Variants in MED12L observed in about 807,000 individuals in gnomAD.
MED12L encodes mediator complex subunit 12L, also known as mediator of RNA polymerase II transcription subunit 12-like protein.
A neutral mutation model predicts 281.3 loss-of-function variants in MED12L; 60 were observed. The observed-to-expected ratio is 0.21, with a 90% CI of 0.17 to 0.26. MED12L has a LOEUF of 0.26. Among genes scored for constraint, MED12L ranks in the 10% least tolerant of loss-of-function variants. The pLI, the probability that MED12L is intolerant of heterozygous loss-of-function variation, is 1.00. For missense variants in MED12L, 2,146 were observed against 2,680.9 expected, an observed-to-expected ratio of 0.80 and a Z score of 4.41; for synonymous variants, 974 against 987.2, an observed-to-expected ratio of 0.99 and a Z score of 0.25.
chr3:151,237,978 C>T (rs530677373), intron 16 of MED12L, among the ~76,000 whole-genome samples: 1 of 152,102 alleles, frequency 6.6e-6, no homozygotes, highest in African/African-American at 2.4e-5. Flanking sequence ...AATAGGCTTT[C>T]TAGATTGTGA....
intron 31 of MED12L, among the ~76,000 whole-genome samples, chr3:151,378,422 C>G (rs1711614901): frequency 6.6e-6 from 1 of 152,136 alleles, no homozygotes; most frequent in Non-Finnish European, 1.5e-5. Context: ...ACAGTGATTT[C>G]CGAGACCCGC....
intron 16 of MED12L, chr3:151,337,872 T>A (rs767580616): frequency 6.2e-7 from 1 of 1,614,156 alleles, no homozygotes; most frequent in Admixed American, 1.7e-5. Context: ...TTTCCTATTG[T>A]CCTGGGACAG....
At chr3:151,324,370 A>G (rs1749336520) in intron 16 of MED12L, among the ~76,000 whole-genome samples, 1 of 152,116 alleles carries the variant, frequency 6.6e-6, no homozygotes, top group African/African-American at 2.4e-5. Flanking sequence ...TACTACCCAC[A>G]CAGAAACGTA....
At chr3:151,214,279 G>T (rs752974803) in intron 16 of MED12L, 1 of 1,613,962 alleles carries the variant, frequency 6.2e-7, no homozygotes, top group East Asian at 2.2e-5. Context: ...CTGAGAGCAG[G>T]ATTCATCTGG....
chr3:151,377,483 T>C (rs538899008), intron 30 of MED12L, among the ~76,000 whole-genome samples: 4 of 152,210 alleles, frequency 2.6e-5, no homozygotes, highest in Non-Finnish European at 4.4e-5. Flanking sequence ...TTTTCCACCA[T>C]TTTTATTAAT....
At chr3:151,147,372 G>A (rs958713410) in intron 5 of MED12L, among the ~76,000 whole-genome samples, 2 of 152,176 alleles carry the variant, frequency 1.3e-5, no homozygotes, top group African/African-American at 4.8e-5. Context: ...CAGCTTTATT[G>A]ATATAATTGA....
At chr3:151,425,535 G>A (rs1346212516) in intron 43 of MED12L, 4 of 416,202 alleles carry the variant, frequency 9.6e-6, no homozygotes, top group African/African-American at 6.1e-5. Flanking sequence ...CAAGTAGCTG[G>A]GAACTACAGT....
At position 151,122,861 on chromosome 3, in the gene MED12L, C is replaced by A; in HGVS notation, c.283C>A (p.Gln95Lys). Residue 95 changes from glutamine to lysine, a missense_variant, in exon 4 of 45, where the codon CAA becomes AAA. Around this residue, in one of 9 missense-constraint regions of MED12L, gnomAD observed 722 missense variants for 861.2 expected, o/e 0.84. Transcript: ENST00000687756. ...CCAGGACACGGGAAAGAAGAAACCACAAGTTAATGCTAAAGATAATTATTG... is the reference window on the plus strand; with the variant it reads ...CCAGGACACGGGAAAGAAGAAACCAAAAGTTAATGCTAAAGATAATTATTG... ...TFQDTGKKKP[Q>K]VNAKDNYWLV... 6.2e-7 allele frequency: 1 copy of A among 1,612,498 alleles called. No homozygotes were observed.
intron 16 of MED12L, chr3:151,269,478 T>C (rs1740481802): frequency 4.2e-6 from 1 of 240,542 alleles, no homozygotes. Context: ...AGTGGGGAGA[T>C]TGTGAAAGCA....
At chr3:151,367,361 T>C (rs1318591225) in intron 23 of MED12L, among the ~76,000 whole-genome samples, 1 of 152,232 alleles carries the variant, frequency 6.6e-6, no homozygotes, top group Non-Finnish European at 1.5e-5. Flanking sequence ...CTTGTAGTGA[T>C]TTCCTGATTT....
intron 16 of MED12L, chr3:151,199,285 A>C: frequency 1.2e-6 from 2 of 1,614,084 alleles, no homozygotes; most frequent in Non-Finnish European, 1.7e-6. Flanking sequence ...CCCAGGTTGC[A>C]AAACAACTTC....
intron 16 of MED12L, among the ~76,000 whole-genome samples, chr3:151,311,321 CTGTG>C (rs565716901): frequency 6.6e-6 from 1 of 150,740 alleles, no homozygotes; most frequent in African/African-American, 2.4e-5. Context: ...TATATATAAA[CTGTG>C]TGTGTGTGTA....
At chr3:151,340,227 G>A (rs1751638024) in intron 16 of MED12L, among the ~76,000 whole-genome samples, 1 of 152,036 alleles carries the variant, frequency 6.6e-6, no homozygotes, top group Admixed American at 6.6e-5. Context: ...TGACCGTTTT[G>A]GAAATTCGAC....
intron 16 of MED12L, among the ~76,000 whole-genome samples, chr3:151,343,453 A>ATGTT (rs1752129081): frequency 6.6e-6 from 1 of 152,218 alleles, no homozygotes; most frequent in African/African-American, 2.4e-5. Context: ...ACCTATTTAC[A>ATGTT]AACCACCTCT....
chr3:151,130,867 A>C (rs1304496192), intron 5 of MED12L, among the ~76,000 whole-genome samples: 1 of 152,190 alleles, frequency 6.6e-6, no homozygotes, highest in African/African-American at 2.4e-5. Context: ...ATTTTTGATC[A>C]TCTGTCTACA....
intron 16 of MED12L, among the ~76,000 whole-genome samples, chr3:151,245,589 T>C (rs1288142810): frequency 6.6e-6 from 1 of 150,690 alleles, no homozygotes. Context: ...CTGAAAACTC[T>C]CAATAAATTA....
intron 16 of MED12L, among the ~76,000 whole-genome samples, chr3:151,296,271 T>C (rs915650233): frequency 6.6e-6 from 1 of 152,230 alleles, no homozygotes; most frequent in African/African-American, 2.4e-5. Context: ...CACTGCATCA[T>C]ATAATCAGTG....
At chr3:151,285,261 G>C (rs1743319218) in intron 16 of MED12L, among the ~76,000 whole-genome samples, 1 of 152,132 alleles carries the variant, frequency 6.6e-6, no homozygotes. Context: ...GAGGTGGGCA[G>C]ATCACAAGGT....
At chr3:151,261,981 C>A (rs1334629228) in intron 16 of MED12L, among the ~76,000 whole-genome samples, 1 of 152,142 alleles carries the variant, frequency 6.6e-6, no homozygotes, top group Non-Finnish European at 1.5e-5. Context: ...CCCGCCTCGG[C>A]CTCCCAGTGT....
Sources: allele counts gnomAD v4.1 joint callset (sites outside exome capture counted in the v4.1 genomes callset), GRCh38; gene constraint gnomAD v4.1.1; regional missense constraint gnomAD v4.1.1; transcripts MANE v1.5; gene names NCBI Gene and HGNC (gene_info 2026-07-23, HGNC 2026-07-21).